The following PAX7 variants were observed in gnomAD, a reference collection of about 807,000 sequenced individuals.
PAX7 encodes the protein paired box 7.
In PAX7, 18 loss-of-function variants were observed where a neutral mutation model predicts 50.7. That is an observed-to-expected ratio of 0.36 (90% CI 0.25 to 0.53). The LOEUF is 0.53. Among genes scored for constraint, PAX7 ranks in the 20% least tolerant of loss-of-function variants. The pLI is 0.93. For synonymous variants in PAX7, 310 were observed against 290.4 expected, an observed-to-expected ratio of 1.07 and a Z score of -0.69; for missense variants, 644 against 702.9, an observed-to-expected ratio of 0.92 and a Z score of 0.95.
chr1:18,675,191 A>G (rs2088807473), intron 4 of PAX7, among the ~76,000 whole-genome samples: 1 of 152,156 alleles, frequency 6.6e-6, no homozygotes, highest in Non-Finnish European at 1.5e-5. Context: ...TTCCTGGGAC[A>G]TAGTGGACCC....
Position 18,636,100 on chromosome 1 carries a change from C to A in PAX7, c.452-137C>A. 2 of 883,968 alleles carry A rather than the reference C, an allele frequency of 2.3e-6. No homozygotes were observed. The highest frequency in any genetic ancestry group is 3.6e-6 in the Non-Finnish European group (2 of 562,184). The allele number at this position is 883,968 out of a possible 1,614,324, so 54.8% of individuals were successfully genotyped here. A position where few individuals can be genotyped will look rare whatever the true frequency, so the allele number is the denominator to read the frequency against. ...TGGAGTACGTGTCAATGCCTAAATG[C>A]CTGTGTGTGGAAGAGGGATGAATGG... On this transcript the variant is annotated intron_variant, in intron 3 of 8. Coordinates refer to ENST00000420770, the MANE Select transcript of PAX7 (RefSeq NM_001135254.2). This position sits in a 1 kb window ranked among gnomAD's most constrained non-coding sequence, Gnocchi z 5.1.
rs561624056 is a variant in PAX7, at chr1:18,705,546, C to T, written c.1155+2250C>T. On this transcript the variant is annotated intron_variant, in intron 7 of 8. Transcript: ENST00000420770. ...TCCATGACCACTGCTTTTCCTAGCC[C>T]GCCCTGTCTCACTGTGGGCTGAGGT... 2.5e-4 allele frequency among the ~76,000 whole-genome samples: 38 copies of T among 152,234 alleles called. 1 individual carries two copies. In the South Asian group the frequency reaches 7.3e-3, roughly 29 times the overall value.
At chr1:18,731,778 G>T (rs2100397121) in intron 7 of PAX7, among the ~76,000 whole-genome samples, 1 of 152,198 alleles carries the variant, frequency 6.6e-6, no homozygotes, top group African/African-American at 2.4e-5. Flanking sequence ...GATTTGATTT[G>T]ATGTTCCAGG....
chr1:18,647,516 G>A (rs537786974), intron 4 of PAX7, among the ~76,000 whole-genome samples: 1 of 152,188 alleles, frequency 6.6e-6, no homozygotes, highest in Non-Finnish European at 1.5e-5. Flanking sequence ...GAAGGAGGCA[G>A]GAGATTGAAG....
chr1:18,633,091 C>T (rs908712630), intron 1 of PAX7, among the ~76,000 whole-genome samples: 2 of 152,100 alleles, frequency 1.3e-5, no homozygotes, highest in African/African-American at 2.4e-5. Flanking sequence ...GACTTTGCGA[C>T]GCACGATTTC....
intron 4 of PAX7, among the ~76,000 whole-genome samples, chr1:18,667,405 AGG>A (rs1216144234): frequency 1.4e-5 from 2 of 143,854 alleles, no homozygotes; most frequent in African/African-American, 5.4e-5. Flanking sequence ...GAAGGAAGGA[AGG>A]AAGGAAGGAA....
chr1:18,649,384 G>C (rs2088397084), intron 4 of PAX7, among the ~76,000 whole-genome samples: 1 of 151,984 alleles, frequency 6.6e-6, no homozygotes, highest in South Asian at 2.1e-4. Context: ...CTGAGGCACA[G>C]AGAGTTGATT....
At chr1:18,691,720 C>T (rs1426644139) in intron 4 of PAX7, 34 bp from the exon 5 acceptor site, 2 of 1,545,720 alleles carry the variant, frequency 1.3e-6, no homozygotes, top group African/African-American at 2.7e-5. Context: ...CTCTCTAAGC[C>T]CCTGCCTTCT....
intron 4 of PAX7, among the ~76,000 whole-genome samples, chr1:18,646,322 CAGAG>C (rs575789608): frequency 8.3e-4 from 127 of 152,242 alleles, no homozygotes; most frequent in African/African-American, 2.9e-3. Context: ...ACAGGGGACA[CAGAG>C]AGGTTTGCCC....
intron 4 of PAX7, among the ~76,000 whole-genome samples, chr1:18,651,837 C>A (rs1382263121): frequency 2.0e-5 from 3 of 148,324 alleles, no homozygotes; most frequent in Non-Finnish European, 4.5e-5. Flanking sequence ...CCCACCCCAC[C>A]GCCTCTTCAT....
At chr1:18,637,831 G>A (rs1404731654) in intron 4 of PAX7, among the ~76,000 whole-genome samples, 1 of 152,262 alleles carries the variant, frequency 6.6e-6, no homozygotes, top group Non-Finnish European at 1.5e-5. Flanking sequence ...GGACAAAAGG[G>A]CGAGGGAAGA....
At chr1:18,694,193 G>GGTTC (rs1159590904) in intron 5 of PAX7, among the ~76,000 whole-genome samples, 1 of 152,162 alleles carries the variant, frequency 6.6e-6, no homozygotes, top group East Asian at 1.9e-4. Context: ...CTGGTGCGGT[G>GGTTC]GTTCACTCCT....
chr1:18,703,326 C>A, intron 7 of PAX7, 30 bp downstream of exon 7: 1 of 1,593,772 alleles, frequency 6.3e-7, no homozygotes, highest in Non-Finnish European at 8.6e-7. Flanking sequence ...CACCCAGGAT[C>A]CCACCGCCAC....
In PAX7 at chr1:18,735,722, G is replaced by A. The variant is rs1473139973; in HGVS notation, c.1246G>A (p.Ala416Thr). 1 of 1,614,056 alleles carries A rather than the reference G, an allele frequency of 6.2e-7. No individual in the cohort carries two copies. ...CCCGCTGCATGGCGGCCTGGACTCG[G>A]CCACCTCCATCTCAGCCAGCTGCAG... Reference protein sequence around the residue: ...ISPLHGGLDSATSISASCSQR... With the variant: ...ISPLHGGLDSTTSISASCSQR... Residue 416 changes from alanine to threonine, a missense_variant, in exon 8 of 9, where the codon GCC becomes ACC. Coordinates refer to ENST00000420770, the MANE Select transcript of PAX7 (RefSeq NM_001135254.2). This position sits in a 1 kb window ranked among gnomAD's most constrained non-coding sequence, Gnocchi z 4.0.
At position 18,747,079 on chromosome 1, in the gene PAX7, T is replaced by C. The variant is rs1398018966; in HGVS notation, c.*2150T>C. The stretch of plus-strand genomic sequence containing the variant: ...TGTAGCTATCACAGCAGAAAGCAAC[T>C]CTTCCTGAAGACCAAACACTCGTCA... On this transcript the variant is annotated 3_prime_UTR_variant, in exon 9 of 9. Coordinates refer to ENST00000420770, the MANE Select transcript of PAX7 (RefSeq NM_001135254.2). 1 of 229,420 alleles carries C rather than the reference T, an allele frequency of 4.4e-6. No individual in the cohort carries two copies. The highest frequency in any genetic ancestry group is 8.6e-6 in the Non-Finnish European group (1 of 115,728). 14.2% of individuals were successfully genotyped at this position (229,420 alleles called of 1,614,324 possible).
chr1:18,685,755 C>A (rs1208483723), intron 4 of PAX7, among the ~76,000 whole-genome samples: 1 of 152,224 alleles, frequency 6.6e-6, no homozygotes, highest in African/African-American at 2.4e-5. Flanking sequence ...GTGGTTGAGG[C>A]CTTGCTGGCG....
intron 4 of PAX7, among the ~76,000 whole-genome samples, chr1:18,689,234 C>T (rs671887): frequency 0.93 from 141,587 of 152,210 alleles, 66,073 homozygotes; most frequent in African/African-American, 0.97. Flanking sequence ...GGGCTGGCTT[C>T]CGTTGTCACC....
intron 5 of PAX7, among the ~76,000 whole-genome samples, chr1:18,697,706 A>G (rs530729790): frequency 2.6e-5 from 4 of 152,226 alleles, no homozygotes; most frequent in African/African-American, 9.6e-5. Flanking sequence ...GAGATGACAG[A>G]ATTGGCAACA....
chr1:18,670,082 CAAAAAAAAAA>C (rs10626256), intron 4 of PAX7, among the ~76,000 whole-genome samples: 89 of 81,346 alleles, frequency 1.1e-3, no homozygotes, highest in Non-Finnish European at 1.7e-3. Context: ...GACTCCATCT[CAAAAAAAAAA>C]AAAAAAAAAA....
Sources: gnomAD v4.1 joint callset for allele counts (sites outside exome capture counted in the v4.1 genomes callset) on GRCh38, gnomAD v4.1.1 for gene constraint, Gnocchi (gnomAD v3.1) non-coding constraint, MANE v1.5 for transcripts, NCBI Gene and HGNC (gene_info 2026-07-23, HGNC 2026-07-21) for gene names.